Variants in TRAPPC9 observed in about 807,000 individuals in gnomAD.
TRAPPC9 encodes the protein IKK2 binding protein.
Under a neutral mutation model 124.0 loss-of-function variants are expected in TRAPPC9, and 83 were observed. That is an observed-to-expected ratio of 0.67 (90% CI 0.56 to 0.80). TRAPPC9 has a LOEUF of 0.80. TRAPPC9 is among the 30% of genes least tolerant of loss of function. The pLI is 0.00. For missense variants in TRAPPC9, 1,302 were observed against 1,508.3 expected, an observed-to-expected ratio of 0.86 and a Z score of 2.27; for synonymous variants, 638 against 617.5, an observed-to-expected ratio of 1.03 and a Z score of -0.49.
At chr8:140,026,083 A>G (rs1840131594) in intron 17 of TRAPPC9, among the ~76,000 whole-genome samples, 1 of 152,206 alleles carries the variant, frequency 6.6e-6, no homozygotes, top group Admixed American at 6.5e-5. Context: ...GGCACCTTGC[A>G]TGAGTGGAAT....
intron 21 of TRAPPC9, among the ~76,000 whole-genome samples, chr8:139,767,916 A>G (rs1384036153): frequency 6.6e-6 from 1 of 152,238 alleles, no homozygotes; most frequent in Non-Finnish European, 1.5e-5. Context: ...AAGCTGTAAT[A>G]TTTATGGAGG....
At chr8:140,149,116 GT>G (rs1203796174) in intron 17 of TRAPPC9, among the ~76,000 whole-genome samples, 1 of 152,060 alleles carries the variant, frequency 6.6e-6, no homozygotes, top group East Asian at 1.9e-4. Context: ...AGCTTTCCAG[GT>G]GGCAGGACAA....
intron 17 of TRAPPC9, among the ~76,000 whole-genome samples, chr8:140,112,464 G>A (rs952208918): frequency 3.9e-5 from 6 of 152,042 alleles, no homozygotes; most frequent in African/African-American, 1.2e-4. Flanking sequence ...AATTCCAGAC[G>A]ATGGTGGACA....
At chr8:140,397,515 C>A in intron 7 of TRAPPC9, 105 bp downstream of exon 7, 2 of 1,301,334 alleles carry the variant, frequency 1.5e-6, no homozygotes, top group Non-Finnish European at 1.1e-6. Flanking sequence ...CAGTTTTTAT[C>A]ATGGCATGCT....
At chr8:140,423,883 T>C (rs1161625467) in intron 5 of TRAPPC9, among the ~76,000 whole-genome samples, 3 of 152,104 alleles carry the variant, frequency 2.0e-5, no homozygotes, top group African/African-American at 7.2e-5. Flanking sequence ...CCACATACCA[T>C]TATATGTATG....
At chr8:139,773,499 C>T (rs950878092) in intron 21 of TRAPPC9, among the ~76,000 whole-genome samples, 3 of 152,166 alleles carry the variant, frequency 2.0e-5, no homozygotes, top group African/African-American at 4.8e-5. Flanking sequence ...GGGGTGAGTC[C>T]TCCCCGGTGG....
chr8:140,099,015 C>T (rs1468534424), intron 17 of TRAPPC9: 4 of 152,328 alleles, frequency 2.6e-5, no homozygotes, highest in African/African-American at 7.2e-5. Flanking sequence ...GGAGGACACC[C>T]AGCTACGTCT....
chr8:140,382,935 C>T (rs1444897304), intron 7 of TRAPPC9, among the ~76,000 whole-genome samples: 1 of 152,208 alleles, frequency 6.6e-6, no homozygotes. Flanking sequence ...ACTGACACCT[C>T]ACATGGCCGG....
At chr8:140,335,831 C>T (rs568098043) in intron 9 of TRAPPC9, among the ~76,000 whole-genome samples, 17 of 151,594 alleles carry the variant, frequency 1.1e-4, no homozygotes, top group Admixed American at 2.0e-4. Flanking sequence ...TTTAGCCTCC[C>T]GAGTAGCTGG....
intron 9 of TRAPPC9, among the ~76,000 whole-genome samples, chr8:140,333,256 A>C (rs2066942866): frequency 6.6e-6 from 1 of 152,250 alleles, no homozygotes. Context: ...AGGATTATGC[A>C]TAATTTTTTC....
chr8:139,987,703 T>A (rs1837331122), intron 19 of TRAPPC9, among the ~76,000 whole-genome samples: 1 of 152,158 alleles, frequency 6.6e-6, no homozygotes, highest in African/African-American at 2.4e-5. Flanking sequence ...TAAGTGTGTG[T>A]CCCTAGAACC....
At chr8:140,189,005 A>C (rs555649610) in intron 17 of TRAPPC9, among the ~76,000 whole-genome samples, 62 of 152,320 alleles carry the variant, frequency 4.1e-4, no homozygotes, top group Admixed American at 1.6e-3. Context: ...GCCATCCACA[A>C]CATGGCCCAA....
At position 139,933,050 on chromosome 8, in the gene TRAPPC9, C is replaced by T. The variant is rs145838257; in HGVS notation, c.2811-22750G>A. 3.2e-3 allele frequency: 513 copies of T among 157,942 alleles called. 2 individuals are homozygous for T. The highest frequency in any genetic ancestry group is 0.011 in the African/African-American group (461 of 41,606). 9.8% of individuals were successfully genotyped at this position (157,942 alleles called of 1,614,324 possible). ...TCTCCTCATTCCCCGCCGGGAGCAA[C>T]ATCTCTCTTCTCGAGACCCCAGCCC... On this transcript the variant is annotated intron_variant, in intron 19 of 22. Coordinates refer to ENST00000438773, the MANE Select transcript of TRAPPC9 (RefSeq NM_001160372.4).
At chr8:140,006,861 A>G (rs1428175236) in intron 18 of TRAPPC9, among the ~76,000 whole-genome samples, 2 of 152,198 alleles carry the variant, frequency 1.3e-5, no homozygotes, top group African/African-American at 4.8e-5. Context: ...AGCGATGGGT[A>G]CAGGGTTTCT....
chr8:140,212,824 T>C (rs1179298235), intron 17 of TRAPPC9, among the ~76,000 whole-genome samples: 1 of 152,138 alleles, frequency 6.6e-6, no homozygotes, highest in Non-Finnish European at 1.5e-5. Flanking sequence ...CTCACACCTG[T>C]AATCCCAGCA....
At chr8:140,240,745 G>A (rs1263456590) in intron 16 of TRAPPC9, among the ~76,000 whole-genome samples, 1 of 152,056 alleles carries the variant, frequency 6.6e-6, no homozygotes, top group Non-Finnish European at 1.5e-5. Flanking sequence ...GGGTCTTGTT[G>A]CACTGACTGG....
At chr8:140,108,821 G>A (rs564314969) in intron 17 of TRAPPC9, among the ~76,000 whole-genome samples, 44 of 152,282 alleles carry the variant, frequency 2.9e-4, no homozygotes, top group Middle Eastern at 3.4e-3. Context: ...TCAGAGCAGC[G>A]TGACATTTAT....
At chr8:140,179,472 TTG>T (rs2062150455) in intron 17 of TRAPPC9, among the ~76,000 whole-genome samples, 1 of 152,138 alleles carries the variant, frequency 6.6e-6, no homozygotes, top group Non-Finnish European at 1.5e-5. Context: ...TTAAAATTTA[TTG>T]AGACTTGATT....
At position 140,335,818 on chromosome 8, in the gene TRAPPC9, C is replaced by T. The variant is rs182195352; in HGVS notation, c.1495+24232G>A. Among the ~76,000 whole-genome samples, 681 of 151,254 alleles carry T rather than the reference C, an allele frequency of 4.5e-3. 2 individuals are homozygous for T. The highest frequency in any genetic ancestry group is 7.5e-3 in the Non-Finnish European group (512 of 67,918). On this transcript the variant is annotated intron_variant, in intron 9 of 22. Transcript: ENST00000438773. ...ACCTCCTGGGTTCAAGCGATTCTCCCGCTTTAGCCTCCCGAGTAGCTGGGA... is the reference window on the plus strand; with the variant it reads ...ACCTCCTGGGTTCAAGCGATTCTCCTGCTTTAGCCTCCCGAGTAGCTGGGA...
Sources: gnomAD v4.1 joint callset for allele counts (sites outside exome capture counted in the v4.1 genomes callset) on GRCh38, gnomAD v4.1.1 for gene constraint, MANE v1.5 for transcripts, NCBI Gene and HGNC (gene_info 2026-07-23, HGNC 2026-07-21) for gene names.